Variants in ALDH8A1 observed in about 807,000 individuals in gnomAD.
The protein encoded by ALDH8A1 is 2-aminomuconic semialdehyde dehydrogenase.
A neutral mutation model predicts 43.3 loss-of-function variants in ALDH8A1; 39 were observed. That is an observed-to-expected ratio of 0.90 (90% CI 0.70 to 1.18). The LOEUF is 1.18. Ranked by LOEUF, ALDH8A1 falls within the 50% of genes most tolerant of loss-of-function variation. The pLI is 0.00. For synonymous variants in ALDH8A1, 233 were observed against 243.5 expected, an observed-to-expected ratio of 0.96 and a Z score of 0.40; for missense variants, 605 against 622.6, an observed-to-expected ratio of 0.97 and a Z score of 0.30.
In ALDH8A1 at chr6:134,929,101, G is replaced by T. The variant is rs376511348; in HGVS notation, c.964C>A (p.Pro322Thr). ...RKWKVGIPSDPLVSIGALISK... is the reference protein window; with the variant it reads ...RKWKVGIPSDTLVSIGALISK... The stretch of plus-strand genomic sequence containing the variant: ...ATCAGAGCACCTATGCTCACCAGTG[G>T]ATCAGAGGGAATGCCGACTTTCCAC... Residue 322 changes from proline (P) to threonine (T), a missense_variant, in exon 6 of 7, where the codon CCA becomes ACA. By Grantham distance (38) the Pro-to-Thr change is conservative. Coordinates refer to ENST00000265605, the MANE Select transcript of ALDH8A1 (RefSeq NM_022568.4). The T allele has an allele frequency of 1.2e-6, 2 of 1,614,206 alleles. No homozygotes were observed. The highest frequency in any genetic ancestry group is 4.5e-5 in the East Asian group (2 of 44,880).
chr6:134,925,093 T>A (rs1776862226), intron 6 of ALDH8A1, among the ~76,000 whole-genome samples: 1 of 152,264 alleles, frequency 6.6e-6, no homozygotes. Flanking sequence ...AATCTAGATG[T>A]AATTTTTTAG....
chr6:134,927,126 C>T (rs1776897190), intron 6 of ALDH8A1, among the ~76,000 whole-genome samples: 1 of 152,086 alleles, frequency 6.6e-6, no homozygotes, highest in Admixed American at 6.6e-5. Flanking sequence ...AAGAGAGGGC[C>T]CCTGGAGTAG....
chr6:134,944,733 T>A (rs1372686099), intron 1 of ALDH8A1, among the ~76,000 whole-genome samples: 1 of 151,366 alleles, frequency 6.6e-6, no homozygotes, highest in African/African-American at 2.4e-5. Flanking sequence ...AAAGGTTTTT[T>A]AAAAAATTAG....
At chr6:134,941,946 G>A (rs186799723) in intron 3 of ALDH8A1, among the ~76,000 whole-genome samples, 183 of 152,150 alleles carry the variant, frequency 1.2e-3, no homozygotes, top group African/African-American at 3.9e-3. Flanking sequence ...GAGGCCTGGC[G>A]TGGTGGCTCA....
In ALDH8A1 at chr6:134,939,522, G is replaced by A. The variant is rs7738917; in HGVS notation, c.443-107C>T. ...ACTCCTTCATGCTGCAGAAAACTTA[G>A]CTTACTCTTCTAACTTCTTCCCAAG... is the stretch of plus-strand genomic sequence containing the variant. On this transcript the variant is annotated intron_variant, in intron 3 of 6. Coordinates refer to ENST00000265605, the MANE Select transcript of ALDH8A1 (RefSeq NM_022568.4). The A allele has an allele frequency of 4.0e-3, 5,303 of 1,332,294 alleles. 166 individuals carry two copies. The African/African-American group carries it at 0.069, about 17-fold the overall frequency. The allele number at this position is 1,332,294 out of a possible 1,614,324, so 82.5% of individuals were successfully genotyped here. A position where few individuals can be genotyped will look rare whatever the true frequency, so the allele number is the denominator to read the frequency against.
At chr6:134,944,727 G>A (rs1428022044) in intron 1 of ALDH8A1, among the ~76,000 whole-genome samples, 1 of 151,224 alleles carries the variant, frequency 6.6e-6, no homozygotes, top group Non-Finnish European at 1.5e-5. Context: ...CTACACAAAG[G>A]TTTTTTAAAA....
chr6:134,921,951 G>A (rs1296582699), intron 6 of ALDH8A1, among the ~76,000 whole-genome samples: 25 of 152,232 alleles, frequency 1.6e-4, no homozygotes, highest in Admixed American at 1.6e-3. Context: ...CTCCCAAAGG[G>A]CAGAGACAGC....
chr6:134,933,026 G>T lies in ALDH8A1; in HGVS notation c.599C>A (p.Pro200Gln), dbSNP rs1316059046. The part of the protein sequence containing the change: ...LCKLLDKAGV[P>Q]PGVVNIVFGT... ...AAACACAATATTGACCACACCTGGT[G>T]GAACACCTGGATAGGAAACAGTATC... Residue 200 changes from proline to glutamine, a missense_variant, in exon 5 of 7, where the codon CCA becomes CAA. Physicochemically the swap from Pro to Gln is moderately conservative, Grantham distance 76. Coordinates refer to ENST00000265605, the MANE Select transcript of ALDH8A1 (RefSeq NM_022568.4). 6.4e-7 allele frequency: 1 copy of T among 1,565,232 alleles called. No individual in the cohort carries two copies. The highest frequency in any genetic ancestry group is 1.9e-5 in the Admixed American group (1 of 53,544).
chr6:134,943,880 C>G lies in ALDH8A1; in HGVS notation c.225G>C (p.Gln75His). The stretch of plus-strand genomic sequence containing the variant: ...GGGACTGCTCCAGCAAATCCGCCAC[C>G]TGGTTCAGGACCCGTGAGCGCTCCT... ...SPQERSRVLN[Q>H]VADLLEQSLE... The change falls in exon 2 of 7, where the codon CAG becomes CAC. Residue 75 changes from glutamine to histidine, a missense_variant. Transcript: ENST00000265605. The G allele has an allele frequency of 6.2e-7, 1 of 1,614,240 alleles. No individual in the cohort carries two copies. Among genetic ancestry groups the G allele is most frequent in the South Asian group, 1.1e-5 (1 of 91,084 alleles).
rs150964985 is a variant in ALDH8A1, at chr6:134,943,409, C to G, written c.286+410G>C. 4.0e-3 allele frequency among the ~76,000 whole-genome samples: 605 copies of G among 152,276 alleles called. 2 individuals carry two copies. Among genetic ancestry groups the G allele is most frequent in the Middle Eastern group, 0.02 (6 of 294 alleles). ...GGTGACTGACATATCAGAAAACATC[C>G]TAAATAATCTGACTGCATAACTGCT... On this transcript the variant is annotated intron_variant, in intron 2 of 6. Transcript: ENST00000265605.
At chr6:134,945,432 A>T (rs1184176016) in intron 1 of ALDH8A1, among the ~76,000 whole-genome samples, 1 of 152,174 alleles carries the variant, frequency 6.6e-6, no homozygotes, top group African/African-American at 2.4e-5. Flanking sequence ...AGAGTTACAT[A>T]CAAAAGGAAA....
intron 6 of ALDH8A1, 69 bp from the exon 7 acceptor site, chr6:134,918,936 A>T: frequency 6.7e-7 from 1 of 1,482,508 alleles, no homozygotes; most frequent in Non-Finnish European, 9.3e-7. Flanking sequence ...CAGAAAATTC[A>T]ATGTTTTCTA....
intron 6 of ALDH8A1, among the ~76,000 whole-genome samples, chr6:134,919,761 A>G (rs1349862680): frequency 6.6e-6 from 1 of 152,232 alleles, no homozygotes; most frequent in Non-Finnish European, 1.5e-5. Context: ...TTACTTATCT[A>G]TCGAGCATTC....
chr6:134,928,999 G>A, intron 6 of ALDH8A1, 55 bp downstream of exon 6: 2 of 1,585,006 alleles, frequency 1.3e-6, no homozygotes, highest in South Asian at 2.3e-5. Context: ...CCTGTACTGA[G>A]CTTCTCTTCA....
At chr6:134,919,561 T>C (rs1562249464) in intron 6 of ALDH8A1, among the ~76,000 whole-genome samples, 1 of 152,206 alleles carries the variant, frequency 6.6e-6, no homozygotes, top group Admixed American at 6.5e-5. Flanking sequence ...TTAACAATGG[T>C]TGTAGAAATA....
At chr6:134,936,030 C>A (rs1773731908) in intron 4 of ALDH8A1, among the ~76,000 whole-genome samples, 1 of 151,756 alleles carries the variant, frequency 6.6e-6, no homozygotes, top group African/African-American at 2.4e-5. Flanking sequence ...CTGCTCTCTG[C>A]AACCTCCGCC....
chr6:134,946,667 C>T (rs1313176183), intron 1 of ALDH8A1, among the ~76,000 whole-genome samples: 1 of 151,886 alleles, frequency 6.6e-6, no homozygotes, highest in African/African-American at 2.4e-5. Flanking sequence ...AAGTCAAAGC[C>T]ATAGATACCA....
chr6:134,927,773 T>C (rs1032631794), intron 6 of ALDH8A1, among the ~76,000 whole-genome samples: 8 of 152,140 alleles, frequency 5.3e-5, no homozygotes, highest in African/African-American at 1.9e-4. Flanking sequence ...AGGTTAACTT[T>C]TGTTCCACTC....
At chr6:134,918,890 T>C (rs774604527) in intron 6 of ALDH8A1, 23 bp from the exon 7 acceptor site, 2 of 1,607,044 alleles carry the variant, frequency 1.2e-6, no homozygotes, top group Non-Finnish European at 1.7e-6. Context: ...AAATCATAAT[T>C]AGCAATGTCT....
Sources: allele counts gnomAD v4.1 joint callset (sites outside exome capture counted in the v4.1 genomes callset), GRCh38; gene constraint gnomAD v4.1.1; transcripts MANE v1.5; gene names NCBI Gene and HGNC (gene_info 2026-07-23, HGNC 2026-07-21).